ZNF182: variants seen among roughly 807,000 people sequenced by gnomAD.
ZNF182 encodes zinc finger protein 21 (KOX 14).
Under a neutral mutation model 28.1 loss-of-function variants are expected in ZNF182, and 10 were observed. The ratio of observed to expected loss-of-function variants is 0.36; its 90% confidence interval spans 0.22 to 0.60. The LOEUF (loss-of-function observed/expected upper bound fraction) is 0.60. Among genes scored for constraint, ZNF182 ranks in the 20% least tolerant of loss-of-function variants. ZNF182 has a pLI of 0.75. For synonymous variants in ZNF182, 156 were observed against 158.7 expected (o/e 0.98, Z 0.13); for missense variants, 352 against 453.2 (o/e 0.78, Z 2.03).
chrX:47,997,490 A>G (rs2058963156), intron 3 of ZNF182, among the ~76,000 whole-genome samples: 1 of 109,695 alleles, frequency 9.1e-6, no homozygotes, highest in Non-Finnish European at 1.9e-5. Flanking sequence ...AATGAATGAC[A>G]TAAGGATAAA....
At chrX:47,982,631 A>G (rs1556899263) in intron 5 of ZNF182, among the ~76,000 whole-genome samples, 4 of 111,846 alleles carry the variant, frequency 3.6e-5, no homozygotes, top group South Asian at 7.5e-4. Context: ...CTGGCTTTAT[A>G]TAAGTCGGTG....
chrX:47,983,663 G>A (rs1376098519), intron 3 of ZNF182, among the ~76,000 whole-genome samples: 2 of 111,927 alleles, frequency 1.8e-5, no homozygotes, highest in Non-Finnish European at 3.8e-5. Flanking sequence ...GAACTAAAAA[G>A]AGAATCCAAA....
rs1380444909 is a variant in ZNF182 at position 47,987,672 on chromosome X, G to T, written c.16-4261C>A. 2.7e-5 allele frequency among the ~76,000 whole-genome samples: 3 copies of T among 112,235 alleles called. No individual in the cohort carries two copies. In the Admixed American group the frequency reaches 2.8e-4, roughly 11 times the overall value. On this transcript the variant is annotated intron_variant, in intron 3 of 5. Coordinates refer to ENST00000376943, the MANE Select transcript of ZNF182 (RefSeq NM_001007088.2). ...AAGTATGTTTGTATGTGTGTGTGGT[G>T]TATGTGTGTACACATATAGATGTAG... is the stretch of plus-strand genomic sequence containing the variant.
intron 3 of ZNF182, among the ~76,000 whole-genome samples, chrX:47,984,310 A>G (rs2058916676): frequency 8.9e-6 from 1 of 111,852 alleles, no homozygotes; most frequent in Non-Finnish European, 1.9e-5. Context: ...CTTACACACT[A>G]TTAGCAGGAA....
chrX:48,002,792 T>G (rs1293100860), intron 2 of ZNF182, 139 bp from the exon 3 acceptor site: 1 of 493,285 alleles, frequency 2.0e-6, no homozygotes, highest in Middle Eastern at 5.5e-4. Flanking sequence ...ACCATGTGAT[T>G]TTAACAATCT....
At chrX:47,993,004 C>T (rs1326959524) in intron 3 of ZNF182, among the ~76,000 whole-genome samples, 1 of 112,930 alleles carries the variant, frequency 8.9e-6, no homozygotes, top group Non-Finnish European at 1.9e-5. Context: ...ACCACATTCC[C>T]TGGTGCCCCA....
intron 3 of ZNF182, among the ~76,000 whole-genome samples, chrX:47,998,799 C>T: frequency 1.9e-5 from 2 of 103,411 alleles, no homozygotes; most frequent in Admixed American, 2.2e-4. Context: ...GCAGAGGTTG[C>T]AGTGAGCCGA....
intron 3 of ZNF182, 62 bp downstream of exon 3, chrX:48,002,533 T>C (rs782525506): frequency 8.4e-7 from 1 of 1,184,089 alleles, no homozygotes; most frequent in Non-Finnish European, 1.1e-6. Context: ...GGCAGGGATT[T>C]CCACATATTT....
chrX:47,979,171 C>A (rs1334358818), intron 5 of ZNF182, among the ~76,000 whole-genome samples: 2 of 112,346 alleles, frequency 1.8e-5, no homozygotes, highest in Non-Finnish European at 3.8e-5. Context: ...CATATTACCA[C>A]TTAGATTCAA....
intron 3 of ZNF182, among the ~76,000 whole-genome samples, chrX:48,000,297 C>T (rs1033979189): frequency 9.0e-6 from 1 of 111,443 alleles, no homozygotes; most frequent in African/African-American, 3.3e-5. Context: ...CGCGGTGGCT[C>T]ATGCCTGTAA....
Position 47,977,172 on chromosome X carries a change from G to A in ZNF182, c.858C>T (p.Val286=). The change falls in exon 6 of 6, where the codon GTC becomes GTT. Residue 286 remains valine (V), a synonymous_variant. Coordinates refer to ENST00000376943, the MANE Select transcript of ZNF182 (RefSeq NM_001007088.2). ...CGKAFREKST[V]IIHYRTHTGE... ...CTGTGTGAGTCCTGTAATGTATGAT[G>A]ACAGTTGACTTTTCTCTGAAGGCTT... The A allele has an allele frequency of 1.1e-5, 13 of 1,208,155 alleles. No homozygotes were observed. Among genetic ancestry groups the A allele is most frequent in the Non-Finnish European group, 1.5e-5 (13 of 894,122 alleles).
Position 47,976,117 on chromosome X carries a change from T to C in ZNF182, c.*50A>G, listed in dbSNP as rs782619073. ...ATATACTTTTAAAATGTGAGTAAAA[T>C]TGACACAACTTTCTTTCAGTGTCCA... On this transcript the variant is annotated 3_prime_UTR_variant, in exon 6 of 6. Transcript: ENST00000376943. The C allele has an allele frequency of 5.7e-6, 6 of 1,047,486 alleles. No homozygotes were observed. Among genetic ancestry groups the C allele is most frequent in the African/African-American group, 5.6e-5 (3 of 53,249 alleles). 86.3% of individuals were successfully genotyped at this position (1,047,486 alleles called of 1,213,427 possible). A position where few individuals can be genotyped will look rare whatever the true frequency, so the allele number is the denominator to read the frequency against.
chrX:48,003,272 TG>T (rs1286918756), intron 2 of ZNF182, among the ~76,000 whole-genome samples: 1 of 112,857 alleles, frequency 8.9e-6, no homozygotes, highest in Non-Finnish European at 1.9e-5. Flanking sequence ...TTTAAATGTG[TG>T]GGGGAAGAAT....
Position 47,983,014 on chromosome X carries a change from A to T in ZNF182, c.167T>A (p.Leu56His). ...TTCTTCTACCTCCAACTTGAGGATG[A>T]GGTTTGGTTTGGTAACCTGCTGCCC... ...FVGQQVTKPN[L>H]ILKLEVEECP... is the part of the protein sequence containing the mutation. Residue 56 changes from leucine (L) to histidine (H), a missense_variant, in exon 5 of 6, where the codon CTC (leucine) becomes CAC (histidine). Physicochemically the swap from Leu to His is moderately conservative, Grantham distance 99. Transcript: ENST00000376943. The T allele has an allele frequency of 8.3e-7, 1 of 1,211,393 alleles. No individual in the cohort carries two copies. Among genetic ancestry groups the T allele is most frequent in the Non-Finnish European group, 1.1e-6 (1 of 895,383 alleles).
rs201210763 is a variant in ZNF182 at position 47,982,953 on chromosome X, A to G, written c.228T>C (p.Phe76=). The change falls in exon 5 of 6, where the codon TTT becomes TTC. Residue 76 remains phenylalanine (F), a synonymous_variant. Transcript: ENST00000376943. ...PAEGKIPFWN[F]PEVCQVDEQI... is the part of the protein sequence containing the mutation. ...CTGGGTCAAAATTCCACTTACCTGG[A>G]AAGTTCCAAAATGGGATTTTTCCTT... 1.1e-4 allele frequency: 135 copies of G among 1,208,941 alleles called. No individual in the cohort carries two copies. The highest frequency in any genetic ancestry group is 4.4e-4 in the East Asian group (15 of 33,731).
chrX:47,977,930 C>A, intron 5 of ZNF182, 133 bp from the exon 6 acceptor site: 1 of 574,641 alleles, frequency 1.7e-6, no homozygotes, highest in Non-Finnish European at 2.6e-6. Context: ...GAGTTTTTTA[C>A]TAAACTCTCA....
rs781975928 is a variant in ZNF182, at chrX:47,976,192, C to T, written c.1838G>A (p.Arg613Gln). ...GKKAHGRGHT[R>Q]KSKFMAH ...CTAATGTGCCATGAACTTTGACTTC[C>T]GAGTGTGGCCTCTTCCATGGGCTTT... is the stretch of plus-strand genomic sequence containing the variant. Residue 613 changes from arginine (R) to glutamine (Q), a missense_variant, in exon 6 of 6, where the codon CGG (arginine) becomes CAG (glutamine). By Grantham distance (43) the Arg-to-Gln change is conservative (BLOSUM62 1). Coordinates refer to ENST00000376943, the MANE Select transcript of ZNF182 (RefSeq NM_001007088.2). 22 of 1,155,728 alleles carry T rather than the reference C, an allele frequency of 1.9e-5. No individual in the cohort carries two copies. The highest frequency in any genetic ancestry group is 2.2e-5 in the Non-Finnish European group (19 of 871,937).
rs146508206 is a variant in ZNF182 at position 47,979,408 on chromosome X, C to T, written c.233-1611G>A. 7.9e-3 allele frequency among the ~76,000 whole-genome samples: 875 copies of T among 111,226 alleles called. 7 individuals carry two copies. The highest frequency in any genetic ancestry group is 0.028 in the African/African-American group (852 of 30,561). Reference sequence around the variant, plus strand: ...TCTTAGGTGGTAAGAAGCAGTTTGGCCCATGTGGTTAGGGTCCTGGGCTCT... The same window carrying T: ...TCTTAGGTGGTAAGAAGCAGTTTGGTCCATGTGGTTAGGGTCCTGGGCTCT... On this transcript the variant is annotated intron_variant, in intron 5 of 5. Coordinates refer to ENST00000376943, the MANE Select transcript of ZNF182 (RefSeq NM_001007088.2).
At chrX:47,998,084 T>TC (rs201112668) in intron 3 of ZNF182, among the ~76,000 whole-genome samples, 1,705 of 98,515 alleles carry the variant, frequency 0.017, 41 homozygotes, top group African/African-American at 0.059. Context: ...TTCTTTTCTC[T>TC]TTTTTTTTTT....
Sources: gnomAD v4.1 joint callset for allele counts (sites outside exome capture counted in the v4.1 genomes callset) on GRCh38, gnomAD v4.1.1 for gene constraint, MANE v1.5 for transcripts, NCBI Gene and HGNC (gene_info 2026-07-23, HGNC 2026-07-21) for gene names.